The following DOCK3 variants were observed in gnomAD, a reference collection of about 807,000 sequenced individuals.
DOCK3 encodes dedicator of cytokinesis 3.
A neutral mutation model predicts 265.6 loss-of-function variants in DOCK3; 60 were observed. That is an observed-to-expected ratio of 0.23 (90% confidence interval 0.18 to 0.28). The LOEUF (loss-of-function observed/expected upper bound fraction) is 0.28, where lower values mean the gene tolerates loss of function less well. DOCK3 is among the 10% of genes least tolerant of loss of function. The pLI, the probability that DOCK3 is intolerant of heterozygous loss-of-function variation, is 1.00. For synonymous variants in DOCK3, 881 were observed against 938.0 expected (o/e 0.94, Z 1.11); for missense variants, 1,981 against 2,594.3 (o/e 0.76, Z 5.14).
At chr3:51,056,977 TATTTA>T (rs2081226044) in intron 5 of DOCK3, among the ~76,000 whole-genome samples, 1 of 152,212 alleles carries the variant, frequency 6.6e-6, no homozygotes, top group Middle Eastern at 3.2e-3. Flanking sequence ...ATGTCATTTT[TATTTA>T]ATTAGATTTT....
In DOCK3 at chr3:51,351,720, G is replaced by A. The variant is rs551811333; in HGVS notation, c.4107+1328G>A. 2.1e-5 allele frequency among the ~76,000 whole-genome samples: 3 copies of A among 142,868 alleles called. No individual in the cohort carries two copies. In the Admixed American group the frequency reaches 2.2e-4, roughly 11 times the overall value. 93.7% of individuals were successfully genotyped at this position (142,868 alleles called of 152,430 possible). On this transcript the variant is annotated intron_variant, in intron 40 of 52. Coordinates refer to ENST00000266037, the MANE Select transcript of DOCK3 (RefSeq NM_004947.5). ...TGCCCAGGCTGGAGTACAATGGCACGATCTTGGCTCACCGCAACCTCCACC... is the reference window on the plus strand; with the variant it reads ...TGCCCAGGCTGGAGTACAATGGCACAATCTTGGCTCACCGCAACCTCCACC...
intron 5 of DOCK3, among the ~76,000 whole-genome samples, chr3:50,994,828 G>A (rs1448804663): frequency 6.6e-6 from 1 of 152,136 alleles, no homozygotes; most frequent in East Asian, 1.9e-4. Context: ...GATATATAAA[G>A]AGCACATAGC....
intron 2 of DOCK3, among the ~76,000 whole-genome samples, chr3:50,817,475 T>A (rs879050784): frequency 1.3e-5 from 2 of 152,018 alleles, no homozygotes; most frequent in South Asian, 2.1e-4. Flanking sequence ...TTTTTTTTTT[T>A]TATAGAGACA....
At chr3:51,349,400 A>C (rs1166162752) in intron 39 of DOCK3, among the ~76,000 whole-genome samples, 1 of 152,144 alleles carries the variant, frequency 6.6e-6, no homozygotes, top group East Asian at 1.9e-4. Flanking sequence ...GTCTGCGCCA[A>C]ATTTTTCCTG....
intron 9 of DOCK3, among the ~76,000 whole-genome samples, chr3:51,119,253 G>C (rs1329464379): frequency 6.6e-6 from 1 of 151,946 alleles, no homozygotes; most frequent in Non-Finnish European, 1.5e-5. Flanking sequence ...TGATATTCTG[G>C]GTTGAAAATT....
intron 40 of DOCK3, among the ~76,000 whole-genome samples, chr3:51,352,831 C>A (rs1403963644): frequency 6.6e-6 from 1 of 152,128 alleles, no homozygotes; most frequent in Non-Finnish European, 1.5e-5. Context: ...GGAGCTCTTG[C>A]CCAAGTGAAT....
intron 5 of DOCK3, among the ~76,000 whole-genome samples, chr3:50,983,125 G>T (rs957672292): frequency 3.3e-5 from 5 of 152,190 alleles, no homozygotes; most frequent in Non-Finnish European, 7.4e-5. Flanking sequence ...GACCTCTGCT[G>T]CCTCGGCCCC....
Position 51,297,073 on chromosome 3 carries a change from G to A in DOCK3, c.2923-13159G>A, listed in dbSNP as rs201992820. 1.4e-4 allele frequency among the ~76,000 whole-genome samples: 20 copies of A among 141,238 alleles called. No individual in the cohort carries two copies. In the East Asian group the frequency reaches 3.9e-3, roughly 28 times the overall value. The allele number at this position is 141,238 out of a possible 152,430, so 92.7% of individuals were successfully genotyped here. On this transcript the variant is annotated intron_variant, in intron 27 of 52. Transcript: ENST00000266037. ...GCAGAGGTTGCAGTGAGCTGAGATC[G>A]TGCCACTGCACTCCAGCCTGGGGGA...
intron 1 of DOCK3, among the ~76,000 whole-genome samples, chr3:50,762,231 A>T (rs2609025): frequency 0.094 from 14,295 of 151,980 alleles, 830 homozygotes; most frequent in Non-Finnish European, 0.12. Flanking sequence ...GTTGTGCATA[A>T]GTACCCTAGA....
At chr3:51,011,297 A>G (rs538165412) in intron 5 of DOCK3, among the ~76,000 whole-genome samples, 8 of 152,166 alleles carry the variant, frequency 5.3e-5, no homozygotes, top group African/African-American at 1.9e-4. Flanking sequence ...ACATAGTCCC[A>G]TATTTCTTGG....
rs139406252 is a variant in DOCK3, at chr3:51,134,880, T to C, written c.747-11669T>C. Among the ~76,000 whole-genome samples the C allele has an allele frequency of 5.3e-5, 8 of 152,344 alleles. No individual in the cohort carries two copies. The East Asian group carries it at 1.5e-3, about 29-fold the overall frequency. ...AACTTTACTACTCTCTACTTTTTCA[T>C]CTCAAGCCAGGAACTTTGCCTCTCC... On this transcript the variant is annotated intron_variant, in intron 9 of 52. Coordinates refer to ENST00000266037, the MANE Select transcript of DOCK3 (RefSeq NM_004947.5).
chr3:50,719,835 T>A (rs2037362219), intron 1 of DOCK3: 2 of 745,250 alleles, frequency 2.7e-6, no homozygotes, highest in East Asian at 2.5e-5. Flanking sequence ...GGAACACTTA[T>A]AACCAAATGC....
chr3:50,702,957 C>T (rs192251561), intron 1 of DOCK3, among the ~76,000 whole-genome samples: 1 of 152,160 alleles, frequency 6.6e-6, no homozygotes, highest in East Asian at 1.9e-4. Flanking sequence ...TTCCCCATTC[C>T]GTATGGTGTC....
intron 12 of DOCK3, 24 bp from the exon 13 acceptor site, chr3:51,208,750 A>AT: frequency 6.3e-7 from 1 of 1,586,356 alleles, no homozygotes. Context: ...CTTGAGTACC[A>AT]TAACACCTGT....
At chr3:50,991,027 A>G (rs758930268) in intron 5 of DOCK3, among the ~76,000 whole-genome samples, 4 of 152,240 alleles carry the variant, frequency 2.6e-5, no homozygotes, top group Non-Finnish European at 4.4e-5. Context: ...TAAGTGAAGG[A>G]TAAATAAGAT....
chr3:51,021,661 C>CTTTTT (rs61097732), intron 5 of DOCK3, among the ~76,000 whole-genome samples: 125,894 of 142,700 alleles, frequency 0.88, 55,747 homozygotes, highest in African/African-American at 0.93. Context: ...GGAGAACTTC[C>CTTTTT]TTTTTTTTTT....
At chr3:50,985,764 A>T (rs968508998) in intron 5 of DOCK3, among the ~76,000 whole-genome samples, 26 of 152,000 alleles carry the variant, frequency 1.7e-4, no homozygotes, top group Non-Finnish European at 3.7e-4. Flanking sequence ...TTTTATTTTG[A>T]CAGGTATGAA....
chr3:50,931,535 T>A (rs1220372696), intron 4 of DOCK3, among the ~76,000 whole-genome samples: 1 of 152,250 alleles, frequency 6.6e-6, no homozygotes, highest in Non-Finnish European at 1.5e-5. Flanking sequence ...AAATAAAGGA[T>A]GTCTTCTCAT....
At chr3:50,904,299 G>A (rs546749807) in intron 4 of DOCK3, among the ~76,000 whole-genome samples, 4 of 152,244 alleles carry the variant, frequency 2.6e-5, no homozygotes, top group African/African-American at 4.8e-5. Context: ...GGCTGGGTCA[G>A]ATGGTATTTC....
Sources: gnomAD v4.1 joint callset for allele counts (sites outside exome capture counted in the v4.1 genomes callset) on GRCh38, gnomAD v4.1.1 for gene constraint, MANE v1.5 for transcripts, NCBI Gene and HGNC (gene_info 2026-07-23, HGNC 2026-07-21) for gene names.